The following VWA5B1 variants were observed in gnomAD, a reference collection of about 807,000 sequenced individuals.
The protein encoded by VWA5B1 is von Willebrand factor A domain-containing protein 5B1.
VWA5B1 carries 115 observed loss-of-function variants against 118.2 expected under a neutral mutation model. The ratio of observed to expected loss-of-function variants is 0.97; its 90% CI spans 0.84 to 1.14. VWA5B1 has a LOEUF of 1.14. VWA5B1 is among the 50% of genes most tolerant of loss of function. The probability of loss-of-function intolerance (pLI) is 0.00; values close to 1 mark genes in which losing one functional copy is unlikely to be tolerated. For synonymous variants in VWA5B1, 682 were observed against 658.4 expected (o/e 1.04, Z -0.55); for missense variants, 1,596 against 1,603.8 (o/e 1.00, Z 0.08).
In VWA5B1 at chr1:20,356,172, C is replaced by A. The variant is rs1045900877; in HGVS notation, c.*1909C>A. Among the ~76,000 whole-genome samples the A allele has an allele frequency of 4.6e-5, 7 of 152,142 alleles. No individual in the cohort carries two copies. Among genetic ancestry groups the A allele is most frequent in the Non-Finnish European group, 8.8e-5 (6 of 68,034 alleles). ...AGCCTCAGCTTCAGGGTAAGGGTGG[C>A]CGGGGGTGGCATCTACTTCCTGGAC... On this transcript the variant is annotated 3_prime_UTR_variant, in exon 22 of 22. Coordinates refer to ENST00000289815, the MANE Select transcript of VWA5B1 (RefSeq NM_001039500.3).
chr1:20,315,252 C>T (rs1448455108), intron 4 of VWA5B1, among the ~76,000 whole-genome samples: 1 of 151,990 alleles, frequency 6.6e-6, no homozygotes, highest in East Asian at 1.9e-4. Flanking sequence ...AGGACAGGGC[C>T]CCAGAGAAGA....
rs1397803811 is a variant in VWA5B1, at chr1:20,343,141, G to A, written c.2374G>A (p.Glu792Lys). Reference protein sequence around the residue: ...ETSSDWDPPAESQERASPSRP... With the variant: ...ETSSDWDPPAKSQERASPSRP... ...GTCCTCGGACTGGGACCCCCCAGCC[G>A]AGTCCCAGGAGCGAGCCAGTCCCAG... The change falls in exon 16 of 22, where the codon GAG becomes AAG. Residue 792 changes from glutamate to lysine, a missense_variant. By Grantham distance (56) the Glu-to-Lys change is moderately conservative. Transcript: ENST00000289815. 10 of 1,546,062 alleles carry A rather than the reference G, an allele frequency of 6.5e-6. No individual in the cohort carries two copies. Among genetic ancestry groups the A allele is most frequent in the Non-Finnish European group, 8.7e-6 (10 of 1,144,002 alleles).
chr1:20,299,513 C>T (rs112476263), intron 1 of VWA5B1, among the ~76,000 whole-genome samples: 2,106 of 152,322 alleles, frequency 0.014, 55 homozygotes, highest in African/African-American at 0.047. Context: ...AAGCGATTCT[C>T]GTGCCTTAGC....
chr1:20,301,652 A>G (rs2088506888), intron 1 of VWA5B1, among the ~76,000 whole-genome samples: 1 of 152,228 alleles, frequency 6.6e-6, no homozygotes, highest in Admixed American at 6.5e-5. Flanking sequence ...CCAGCCGGTG[A>G]GCCCCTCAGC....
At chr1:20,323,002 G>A (rs1028953740) in intron 7 of VWA5B1, 2 of 171,992 alleles carry the variant, frequency 1.2e-5, no homozygotes, top group East Asian at 1.5e-4. Flanking sequence ...CGGGCTTCTC[G>A]CGTCTGTGCT....
At chr1:20,313,098 A>G (rs1279054315) in intron 3 of VWA5B1, 110 bp downstream of exon 3, 1 of 1,394,836 alleles carries the variant, frequency 7.2e-7, no homozygotes, top group Non-Finnish European at 9.6e-7. Context: ...TGAGGCAGAA[A>G]GAGCACTGAA....
chr1:20,296,959 G>T (rs568101573), intron 1 of VWA5B1, among the ~76,000 whole-genome samples: 1 of 152,334 alleles, frequency 6.6e-6, no homozygotes, highest in East Asian at 1.9e-4. Context: ...CAGGCCTCTT[G>T]CTTCTGCATT....
intron 14 of VWA5B1, chr1:20,338,237 AC>A (rs2089778736): frequency 2.7e-6 from 1 of 370,130 alleles, no homozygotes; most frequent in Non-Finnish European, 5.3e-6. Context: ...AACCTGTCTG[AC>A]CTTTGAAGGA....
rs1335900403 is a variant in VWA5B1, at chr1:20,356,352, G to T, written c.*2089G>T. On this transcript the variant is annotated 3_prime_UTR_variant, in exon 22 of 22. Transcript: ENST00000289815. ...ACAGTCCCAGACTCTCTGCCTCTGA[G>T]ATGTTTCCCTCTTCATGAACATGAA... is the stretch of plus-strand genomic sequence containing the variant. Among the ~76,000 whole-genome samples, 1 of 152,190 alleles carries T rather than the reference G, an allele frequency of 6.6e-6. No individual in the cohort carries two copies. Among genetic ancestry groups the T allele is most frequent in the Non-Finnish European group, 1.5e-5 (1 of 68,042 alleles).
chr1:20,334,779 C>G (rs2089667533), intron 12 of VWA5B1, among the ~76,000 whole-genome samples: 1 of 152,126 alleles, frequency 6.6e-6, no homozygotes, highest in African/African-American at 2.4e-5. Flanking sequence ...CCACTGCACT[C>G]CAGCCTGGGG....
chr1:20,316,163 G>A (rs1467409602), intron 4 of VWA5B1, among the ~76,000 whole-genome samples: 2 of 152,172 alleles, frequency 1.3e-5, no homozygotes, highest in Non-Finnish European at 2.9e-5. Flanking sequence ...GGAGAGGGGG[G>A]ATGCTTGTTC....
chr1:20,349,260 C>T (rs1553123258), intron 18 of VWA5B1: 1 of 407,772 alleles, frequency 2.5e-6, no homozygotes, highest in Non-Finnish European at 5.0e-6. Flanking sequence ...AGCTCCACCC[C>T]TGAGCCAAGC....
At chr1:20,321,855 A>G (rs973480780) in intron 7 of VWA5B1, among the ~76,000 whole-genome samples, 1 of 152,152 alleles carries the variant, frequency 6.6e-6, no homozygotes. Context: ...CAGAGTGGGT[A>G]GAGAGGAGGT....
At chr1:20,297,177 C>G (rs1481711333) in intron 1 of VWA5B1, among the ~76,000 whole-genome samples, 2 of 152,212 alleles carry the variant, frequency 1.3e-5, no homozygotes, top group African/African-American at 2.4e-5. Flanking sequence ...GGATTCTATT[C>G]CTGGGACCAT....
rs558714498 is a variant in VWA5B1, at chr1:20,357,201, G to T, written c.*2938G>T. Among the ~76,000 whole-genome samples, 3 of 152,212 alleles carry T rather than the reference G, an allele frequency of 2.0e-5. No individual in the cohort carries two copies. Among genetic ancestry groups the T allele is most frequent in the Non-Finnish European group, 4.4e-5 (3 of 68,040 alleles). On this transcript the variant is annotated 3_prime_UTR_variant, in exon 22 of 22. Coordinates refer to ENST00000289815, the MANE Select transcript of VWA5B1 (RefSeq NM_001039500.3). Reference sequence around the variant, plus strand: ...GCTGAGAGTTGAGGAACCCAAGCATGGGTCCCAACTCCACCACTAGTGTGC... The same window carrying T: ...GCTGAGAGTTGAGGAACCCAAGCATTGGTCCCAACTCCACCACTAGTGTGC...
In VWA5B1 at chr1:20,327,885, G is replaced by T. The variant is rs886457907; in HGVS notation, c.1144-5G>T. On this transcript the variant is annotated splice_region_variant and splice_polypyrimidine_tract_variant and intron_variant, in intron 8 of 21. Transcript: ENST00000289815. ...AATCCTGAAAACCCCTTTCTCTCCT[G>T]CCAGGATGCCATGTTGGTGGCCCTT... is the stretch of plus-strand genomic sequence containing the variant. 1.3e-6 allele frequency: 2 copies of T among 1,551,064 alleles called. No homozygotes were observed. Among genetic ancestry groups the T allele is most frequent in the African/African-American group, 2.7e-5 (2 of 72,946 alleles).
At chr1:20,295,039 C>T (rs1014304840) in intron 1 of VWA5B1, among the ~76,000 whole-genome samples, 1 of 152,148 alleles carries the variant, frequency 6.6e-6, no homozygotes, top group Admixed American at 6.5e-5. Flanking sequence ...CAGGATTTAG[C>T]TGAGCAAAGC....
intron 1 of VWA5B1, among the ~76,000 whole-genome samples, chr1:20,304,053 T>G (rs1408972581): frequency 1.3e-5 from 2 of 152,186 alleles, no homozygotes; most frequent in Admixed American, 6.5e-5. Flanking sequence ...TAGATGCCCC[T>G]ATTCAGAGCC....
intron 14 of VWA5B1, chr1:20,339,050 G>A (rs1171859146): frequency 1.3e-5 from 2 of 152,168 alleles, no homozygotes; most frequent in Non-Finnish European, 2.9e-5. Context: ...TTTTATATTT[G>A]GGGGCAATTC....
Sources: gnomAD v4.1 joint callset for allele counts (sites outside exome capture counted in the v4.1 genomes callset) on GRCh38, gnomAD v4.1.1 for gene constraint, MANE v1.5 for transcripts, NCBI Gene and HGNC (gene_info 2026-07-23, HGNC 2026-07-21) for gene names.